AGBL1: variants seen among roughly 807,000 people sequenced by gnomAD.
AGBL1 encodes the protein AGBL carboxypeptidase 1.
AGBL1 carries 130 observed loss-of-function variants against 118.9 expected under a neutral mutation model. That is an observed-to-expected ratio of 1.09 (90% confidence interval 0.95 to 1.26). The LOEUF is 1.26. Ranked by LOEUF, AGBL1 falls within the 50% of genes most tolerant of loss-of-function variation. AGBL1 has a pLI of 0.00. For missense variants in AGBL1, 1,584 were observed against 1,298.1 expected, an observed-to-expected ratio of 1.22 and a Z score of -3.38; for synonymous variants, 555 against 478.9, an observed-to-expected ratio of 1.16 and a Z score of -2.08.
chr15:86,871,778 C>T (rs187497298), intron 22 of AGBL1, among the ~76,000 whole-genome samples: 1 of 152,272 alleles, frequency 6.6e-6, no homozygotes, highest in African/African-American at 2.4e-5. Flanking sequence ...CATCTTGGCT[C>T]CAAGAACTCC....
chr15:86,233,635 C>G (rs2078491964), intron 6 of AGBL1, among the ~76,000 whole-genome samples: 1 of 152,164 alleles, frequency 6.6e-6, no homozygotes, highest in Non-Finnish European at 1.5e-5. Flanking sequence ...TTTGAGATTA[C>G]AACTTAAAAA....
At position 86,329,876 on chromosome 15, in the gene AGBL1, T is replaced by C. The variant is rs377053183; in HGVS notation, c.2374+34468T>C. The stretch of plus-strand genomic sequence containing the variant: ...GCAGAGATCCAAGTGGAGAGGAGCC[T>C]TCTTTGCTCCATGCCCAGGCAGATC... On this transcript the variant is annotated intron_variant, in intron 17 of 22. Coordinates refer to ENST00000614907, the MANE Select transcript of AGBL1 (RefSeq NM_001386094.1). Among the ~76,000 whole-genome samples the C allele has an allele frequency of 2.7e-5, 4 of 148,476 alleles. No homozygotes were observed. The South Asian group carries it at 8.7e-4, about 32-fold the overall frequency.
At chr15:86,391,209 C>T (rs1292252324) in intron 17 of AGBL1, among the ~76,000 whole-genome samples, 4 of 151,882 alleles carry the variant, frequency 2.6e-5, no homozygotes, top group East Asian at 1.9e-4. Context: ...AAATTTATGT[C>T]TGTAAATTAT....
intron 5 of AGBL1, among the ~76,000 whole-genome samples, chr15:86,178,084 T>G (rs1272358945): frequency 2.0e-5 from 3 of 152,132 alleles, no homozygotes; most frequent in African/African-American, 7.2e-5. Flanking sequence ...GAGGCCAAGG[T>G]GGGCAGATCA....
chr15:86,904,490 T>G (rs1462025964), intron 22 of AGBL1, among the ~76,000 whole-genome samples: 1 of 150,380 alleles, frequency 6.6e-6, no homozygotes, highest in Non-Finnish European at 1.5e-5. Flanking sequence ...TTTGGGCAAA[T>G]AAGTGAGAGA....
intron 22 of AGBL1, among the ~76,000 whole-genome samples, chr15:86,737,554 G>T (rs1301257963): frequency 1.3e-5 from 2 of 152,128 alleles, no homozygotes; most frequent in Non-Finnish European, 2.9e-5. Context: ...CAGGAGCCAA[G>T]TTCTTCCTGC....
chr15:86,165,468 T>C (rs1331298249), intron 5 of AGBL1, among the ~76,000 whole-genome samples: 1 of 152,152 alleles, frequency 6.6e-6, no homozygotes, highest in African/African-American at 2.4e-5. Context: ...TCATAGTAAC[T>C]GATAGATGAG....
chr15:86,748,181 G>T (rs1040175731), intron 22 of AGBL1, among the ~76,000 whole-genome samples: 12 of 151,926 alleles, frequency 7.9e-5, no homozygotes, highest in Admixed American at 2.0e-4. Flanking sequence ...CTAACTGGTG[G>T]GAGATGGTAT....
intron 6 of AGBL1, among the ~76,000 whole-genome samples, chr15:86,228,072 G>A (rs750504577): frequency 6.6e-6 from 1 of 152,208 alleles, no homozygotes. Flanking sequence ...ATGGCATGAA[G>A]GGTCTGGTTA....
intron 22 of AGBL1, among the ~76,000 whole-genome samples, chr15:86,900,652 A>ATT (rs71144080): frequency 0.026 from 3,834 of 146,632 alleles, 120 homozygotes; most frequent in African/African-American, 0.074. Flanking sequence ...TTATATCAGA[A>ATT]TTTTTTTTTT....
At chr15:86,213,330 T>C (rs2078132297) in intron 5 of AGBL1, among the ~76,000 whole-genome samples, 1 of 152,192 alleles carries the variant, frequency 6.6e-6, no homozygotes, top group Non-Finnish European at 1.5e-5. Flanking sequence ...CTTCACTTCT[T>C]ACTAAGGAAG....
chr15:86,845,932 T>C (rs1416483924), intron 22 of AGBL1, among the ~76,000 whole-genome samples: 1 of 152,154 alleles, frequency 6.6e-6, no homozygotes. Flanking sequence ...ACAGACCCAG[T>C]GAAGCATAAA....
chr15:86,174,977 T>A (rs1459255322), intron 5 of AGBL1, among the ~76,000 whole-genome samples: 1 of 152,144 alleles, frequency 6.6e-6, no homozygotes, highest in Non-Finnish European at 1.5e-5. Context: ...TTTTTTGTTG[T>A]ATCCTTGTTT....
chr15:86,307,213 T>C (rs2079854501), intron 17 of AGBL1, among the ~76,000 whole-genome samples: 1 of 152,210 alleles, frequency 6.6e-6, no homozygotes, highest in African/African-American at 2.4e-5. Context: ...TTTTCATTTC[T>C]TCCTTTTAAA....
At chr15:86,663,862 A>G (rs7176733) in intron 21 of AGBL1, among the ~76,000 whole-genome samples, 2,818 of 152,226 alleles carry the variant, frequency 0.019, 99 homozygotes, top group African/African-American at 0.064. Context: ...CGAAAAAAAC[A>G]GAGTTTGGCT....
At chr15:86,831,604 T>C (rs530703752) in intron 22 of AGBL1, among the ~76,000 whole-genome samples, 5 of 152,358 alleles carry the variant, frequency 3.3e-5, no homozygotes, top group Admixed American at 2.0e-4. Flanking sequence ...CAGGTCATGC[T>C]GATGCAAGAG....
chr15:86,947,446 A>C (rs1056242013), intron 23 of AGBL1, among the ~76,000 whole-genome samples: 1 of 152,196 alleles, frequency 6.6e-6, no homozygotes. Flanking sequence ...ATGTTGTTCT[A>C]TGACTCAATC....
intron 22 of AGBL1, among the ~76,000 whole-genome samples, chr15:86,797,507 G>T (rs769982177): frequency 5.3e-4 from 80 of 152,294 alleles, no homozygotes; most frequent in Non-Finnish European, 9.8e-4. Context: ...AATAAAAAAT[G>T]CACCAGGCAA....
At chr15:86,289,475 T>C (rs2079510644) in intron 16 of AGBL1, among the ~76,000 whole-genome samples, 1 of 152,224 alleles carries the variant, frequency 6.6e-6, no homozygotes, top group South Asian at 2.1e-4. Context: ...ACATACATTA[T>C]ACAACTAAAT....
Sources: gnomAD v4.1 joint callset for allele counts (sites outside exome capture counted in the v4.1 genomes callset) on GRCh38, gnomAD v4.1.1 for gene constraint, MANE v1.5 for transcripts, NCBI Gene and HGNC (gene_info 2026-07-23, HGNC 2026-07-21) for gene names.